CGAS: variants seen among roughly 807,000 people sequenced by gnomAD.
The protein encoded by CGAS is cyclic GMP-AMP synthase.
CGAS carries 31 observed loss-of-function variants against 34.0 expected under a neutral mutation model. The ratio of observed to expected loss-of-function variants is 0.91; its 90% CI spans 0.69 to 1.23. CGAS has a LOEUF of 1.23. Ranked by LOEUF, CGAS falls within the 50% of genes most tolerant of loss-of-function variation. The pLI, the probability that CGAS is intolerant of heterozygous loss-of-function variation, is 0.00. For missense variants in CGAS, 597 were observed against 657.6 expected (o/e 0.91, Z 1.01); for synonymous variants, 266 against 260.0 (o/e 1.02, Z -0.22).
chr6:73,429,792 C>G (rs935015961), intron 3 of CGAS, among the ~76,000 whole-genome samples: 11 of 151,956 alleles, frequency 7.2e-5, no homozygotes, highest in South Asian at 2.1e-4. Context: ...CGCCACTGCA[C>G]TCCAGCCTGG....
chr6:73,451,000 AAAAAG>A lies in CGAS; in HGVS notation c.657+520_657+524del, dbSNP rs1046817292. On this transcript the variant is annotated intron_variant, in intron 1 of 4. Coordinates refer to ENST00000370315, the MANE Select transcript of CGAS (RefSeq NM_138441.3). ...GCGAGACTCCGCCTCAAAAAAAAAA[AAAAAG>A]AAAAGAAAAGAAAAAAGAAAAAAAA... Among the ~76,000 whole-genome samples the A allele has an allele frequency of 1.1e-3, 163 of 151,122 alleles. 1 individual carries two copies. Among genetic ancestry groups the A allele is most frequent in the Middle Eastern group, 3.4e-3 (1 of 292 alleles).
chr6:73,435,652 A>G (rs1239215953), intron 3 of CGAS, among the ~76,000 whole-genome samples: 2 of 151,980 alleles, frequency 1.3e-5, no homozygotes, highest in Admixed American at 6.6e-5. Flanking sequence ...AAAGAAAAAC[A>G]TATGTCCTGG....
rs116917199 is a variant in CGAS, at chr6:73,434,763, C to T, written c.1114+5446G>A. On this transcript the variant is annotated intron_variant, in intron 3 of 4. Coordinates refer to ENST00000370315, the MANE Select transcript of CGAS (RefSeq NM_138441.3). ...CCAAGTTCAAGTGATTCTCCTGTCT[C>T]GGCCTCCTGAGTAGCTGGGACTAAG... 4.5e-3 allele frequency among the ~76,000 whole-genome samples: 691 copies of T among 152,024 alleles called. 38 individuals are homozygous for T. In the East Asian group the frequency reaches 0.12, roughly 26 times the overall value.
chr6:73,424,248 C>A lies in CGAS; in HGVS notation c.*979G>T, dbSNP rs530263923. 6.6e-6 allele frequency: 1 copy of A among 152,100 alleles called. No individual in the cohort carries two copies. The highest frequency in any genetic ancestry group is 1.5e-5 in the Non-Finnish European group (1 of 68,038). 9.4% of individuals were successfully genotyped at this position (152,100 alleles called of 1,614,324 possible). On this transcript the variant is annotated 3_prime_UTR_variant, in exon 5 of 5. Transcript: ENST00000370315. ...AGGAGATCGAGACCATCCTGGCTAA[C>A]ATGGTGAAACCCCATCTTTACTAAA... is the stretch of plus-strand genomic sequence containing the variant.
chr6:73,426,564 G>A (rs1432266664), intron 4 of CGAS, among the ~76,000 whole-genome samples: 1 of 150,290 alleles, frequency 6.7e-6, no homozygotes, highest in African/African-American at 2.4e-5. Flanking sequence ...TGTCACCCAG[G>A]CTGGGATGCA....
At chr6:73,450,774 G>A (rs564892478) in intron 1 of CGAS, among the ~76,000 whole-genome samples, 59 of 152,040 alleles carry the variant, frequency 3.9e-4, no homozygotes, top group Non-Finnish European at 7.1e-4. Context: ...GAATCAAGAG[G>A]TCAGGAGATC....
Position 73,445,703 on chromosome 6 carries a change from G to A in CGAS, c.702C>T (p.Val234=), listed in dbSNP as rs1187110880. The A allele has an allele frequency of 1.9e-6, 3 of 1,611,392 alleles. No homozygotes were observed. Among genetic ancestry groups the A allele is most frequent in the Non-Finnish European group, 1.7e-6 (2 of 1,179,222 alleles). Residue 234 remains valine, a synonymous_variant, in exon 2 of 5, where the codon GTC becomes GTT. Coordinates refer to ENST00000370315, the MANE Select transcript of CGAS (RefSeq NM_138441.3). ...AATATTCTTCTAGTTGAATTCTGGGGACTTCCAGTTTAAACATGACATCAA... is the reference window on the plus strand; with the variant it reads ...AATATTCTTCTAGTTGAATTCTGGGAACTTCCAGTTTAAACATGACATCAA... The part of the protein sequence containing the change: ...NEFDVMFKLE[V]PRIQLEEYSN...
chr6:73,438,435 C>T (rs1015364534), intron 3 of CGAS, among the ~76,000 whole-genome samples: 3 of 152,160 alleles, frequency 2.0e-5, no homozygotes, highest in Admixed American at 6.6e-5. Flanking sequence ...CAGTGGCTCA[C>T]GCCTGTAATC....
At chr6:73,434,303 T>C (rs1270972570) in intron 3 of CGAS, among the ~76,000 whole-genome samples, 1 of 152,208 alleles carries the variant, frequency 6.6e-6, no homozygotes, top group Non-Finnish European at 1.5e-5. Flanking sequence ...CTTCGGTGTC[T>C]GCAGGGTACC....
chr6:73,446,734 CAAAAAAAAA>C (rs1195262271), intron 1 of CGAS, among the ~76,000 whole-genome samples: 1 of 502 alleles, frequency 2.0e-3, no homozygotes, highest in African/African-American at 0.01. Context: ...GACTCCGTCT[CAAAAAAAAA>C]AAAAAAAAAA....
rs186630766 is a variant in CGAS, at chr6:73,445,635, G to A, written c.770C>T (p.Pro257Leu). 3.2e-5 allele frequency: 52 copies of A among 1,611,888 alleles called. No homozygotes were observed. Among genetic ancestry groups the A allele is most frequent in the East Asian group, 1.6e-4 (7 of 44,700 alleles). The change falls in exon 2 of 5, where the codon CCG (proline) becomes CTG (leucine). Residue 257 changes from proline to leucine, a missense_variant. By Grantham distance (98) the Pro-to-Leu change is moderately conservative. Around this residue, in one of 3 missense-constraint regions of CGAS, gnomAD observed 271 missense variants for 324.1 expected, o/e 0.84. Coordinates refer to ENST00000370315, the MANE Select transcript of CGAS (RefSeq NM_138441.3). The stretch of plus-strand genomic sequence containing the variant: ...AAACTGACTCAGAGGATTTTCTTTC[G>A]GATTTCTTTTAAATTTCACAAAGTA... ...AYYFVKFKRN[P>L]KENPLSQFLE...
In CGAS at chr6:73,429,296, A is replaced by C. The variant is rs138471827; in HGVS notation, c.1115-485T>G. ...ATTATGTATAAAAATAAGTACACTGAGACAAAAAATGGGCCTAACCGAAAA... is the reference window on the plus strand; with the variant it reads ...ATTATGTATAAAAATAAGTACACTGCGACAAAAAATGGGCCTAACCGAAAA... On this transcript the variant is annotated intron_variant, in intron 3 of 4. Coordinates refer to ENST00000370315, the MANE Select transcript of CGAS (RefSeq NM_138441.3). Among the ~76,000 whole-genome samples, 280 of 152,260 alleles carry C rather than the reference A, an allele frequency of 1.8e-3. 1 individual carries two copies. The highest frequency in any genetic ancestry group is 3.0e-3 in the Non-Finnish European group (203 of 68,014).
chr6:73,423,905 T>A lies in CGAS; in HGVS notation c.*1322A>T, dbSNP rs984607782. The stretch of plus-strand genomic sequence containing the variant: ...ACACAGACAACGAATGAAAGATAAA[T>A]ACCCCAAATATATTAAGAACTTCCC... On this transcript the variant is annotated 3_prime_UTR_variant, in exon 5 of 5. Transcript: ENST00000370315. The A allele has an allele frequency of 6.6e-6, 1 of 152,016 alleles. No homozygotes were observed. The highest frequency in any genetic ancestry group is 2.4e-5 in the African/African-American group (1 of 41,394). 9.4% of individuals were successfully genotyped at this position (152,016 alleles called of 1,614,324 possible).
At chr6:73,432,310 C>G (rs186002632) in intron 3 of CGAS, among the ~76,000 whole-genome samples, 2 of 151,710 alleles carry the variant, frequency 1.3e-5, no homozygotes, top group Non-Finnish European at 2.9e-5. Flanking sequence ...TACAGGCATG[C>G]GCCACCATGC....
intron 1 of CGAS, among the ~76,000 whole-genome samples, chr6:73,448,237 C>CA (rs1256735524): frequency 1.3e-5 from 2 of 151,910 alleles, no homozygotes; most frequent in African/African-American, 4.8e-5. Context: ...ACTAAAAACA[C>CA]AAAAAATTAG....
At chr6:73,426,175 C>T (rs113030479) in intron 4 of CGAS, among the ~76,000 whole-genome samples, 9,519 of 150,268 alleles carry the variant, frequency 0.063, 460 homozygotes, top group African/African-American at 0.13. Flanking sequence ...CCCAGCTACT[C>T]GGGAGGCTGA....
At chr6:73,443,235 C>CTTTTTT (rs35135687) in intron 2 of CGAS, among the ~76,000 whole-genome samples, 6 of 104,218 alleles carry the variant, frequency 5.8e-5, no homozygotes, top group African/African-American at 7.6e-5. Context: ...TTCCCAAACT[C>CTTTTTT]TTTTTTTTTT....
At chr6:73,434,396 A>G (rs1215234714) in intron 3 of CGAS, among the ~76,000 whole-genome samples, 4 of 152,220 alleles carry the variant, frequency 2.6e-5, no homozygotes, top group Non-Finnish European at 5.9e-5. Context: ...TAAGGATGGC[A>G]CTTTGCCTCT....
intron 1 of CGAS, among the ~76,000 whole-genome samples, chr6:73,451,019 A>G (rs1770555575): frequency 6.6e-6 from 1 of 151,714 alleles, no homozygotes. Context: ...AGAAAAGAAA[A>G]AAGAAAAAAA....
Sources: gnomAD v4.1 joint callset for allele counts (sites outside exome capture counted in the v4.1 genomes callset) on GRCh38, gnomAD v4.1.1 for gene constraint, gnomAD v4.1.1 regional missense constraint, MANE v1.5 for transcripts, NCBI Gene and HGNC (gene_info 2026-07-23, HGNC 2026-07-21) for gene names.